RYR3: variants seen among roughly 807,000 people sequenced by gnomAD.
RYR3 encodes the protein brain ryanodine receptor-calcium release channel.
Under a neutral mutation model 584.3 loss-of-function variants are expected in RYR3, and 207 were observed. The ratio of observed to expected loss-of-function variants is 0.35; its 90% confidence interval spans 0.32 to 0.40. The LOEUF (loss-of-function observed/expected upper bound fraction) is 0.40. RYR3 is among the 10% of genes least tolerant of loss of function. The pLI is 1.00. For missense variants in RYR3, 5,616 were observed against 6,089.2 expected, an observed-to-expected ratio of 0.92 and a Z score of 2.59; for synonymous variants, 2,416 against 2,248.5, an observed-to-expected ratio of 1.07 and a Z score of -2.11.
At chr15:33,713,317 T>C (rs1341440677) in intron 43 of RYR3, among the ~76,000 whole-genome samples, 1 of 151,868 alleles carries the variant, frequency 6.6e-6, no homozygotes, top group African/African-American at 2.4e-5. Flanking sequence ...ATGCTAGTGA[T>C]AGTGGAATAT....
intron 1 of RYR3, among the ~76,000 whole-genome samples, chr15:33,323,813 C>T (rs1969333585): frequency 6.6e-6 from 1 of 152,252 alleles, no homozygotes; most frequent in South Asian, 2.1e-4. Context: ...TTGCTCTGGT[C>T]TCTGGCTGTG....
chr15:33,773,319 G>A (rs2073745401), intron 63 of RYR3, among the ~76,000 whole-genome samples: 1 of 152,160 alleles, frequency 6.6e-6, no homozygotes, highest in African/African-American at 2.4e-5. Flanking sequence ...AAAGGAACTG[G>A]GATTGCTCAG....
chr15:33,649,609 G>C (rs1566872129), intron 31 of RYR3, among the ~76,000 whole-genome samples: 1 of 152,180 alleles, frequency 6.6e-6, no homozygotes, highest in East Asian at 1.9e-4. Context: ...GAAATAAAAA[G>C]ATATACCACA....
At chr15:33,543,505 G>C (rs377297870) in intron 7 of RYR3, 117 bp from the exon 8 acceptor site, 1 of 723,652 alleles carries the variant, frequency 1.4e-6, no homozygotes, top group East Asian at 2.5e-5. Context: ...ATCAAAATGT[G>C]TCTCTCTCAG....
chr15:33,737,091 C>G (rs980408806), intron 49 of RYR3, among the ~76,000 whole-genome samples: 5 of 152,046 alleles, frequency 3.3e-5, no homozygotes, highest in African/African-American at 1.2e-4. Context: ...ACAGACCCCT[C>G]TCTTTTATTA....
At chr15:33,576,123 C>T (rs533678677) in intron 12 of RYR3, among the ~76,000 whole-genome samples, 2 of 152,202 alleles carry the variant, frequency 1.3e-5, no homozygotes, top group South Asian at 4.1e-4. Flanking sequence ...AATAAATAGC[C>T]TACCAACCAG....
intron 43 of RYR3, among the ~76,000 whole-genome samples, chr15:33,718,395 G>A (rs1223898797): frequency 2.6e-5 from 4 of 152,196 alleles, no homozygotes; most frequent in African/African-American, 9.7e-5. Flanking sequence ...TATGCCAGAT[G>A]TTAGCAAGAC....
intron 65 of RYR3, among the ~76,000 whole-genome samples, chr15:33,783,292 A>G (rs2074492294): frequency 6.6e-6 from 1 of 152,158 alleles, no homozygotes; most frequent in African/African-American, 2.4e-5. Context: ...CACTTTGAGA[A>G]TTATTGATCT....
chr15:33,575,696 C>G (rs752426128), intron 12 of RYR3, among the ~76,000 whole-genome samples: 7 of 152,034 alleles, frequency 4.6e-5, no homozygotes, highest in African/African-American at 1.7e-4. Flanking sequence ...AACATCACAA[C>G]TAAAAGAACT....
intron 29 of RYR3, among the ~76,000 whole-genome samples, chr15:33,646,755 T>C (rs1463545720): frequency 1.3e-5 from 2 of 152,264 alleles, no homozygotes; most frequent in Non-Finnish European, 2.9e-5. Context: ...CAGACACATC[T>C]GGTGGAAAAG....
In RYR3 at chr15:33,838,650, A is replaced by G. The variant is rs1250242687; in HGVS notation, c.12670A>G (p.Lys4224Glu). 1.2e-6 allele frequency: 2 copies of G among 1,613,802 alleles called. No individual in the cohort carries two copies. Among genetic ancestry groups the G allele is most frequent in the Non-Finnish European group, 1.7e-6 (2 of 1,179,878 alleles). Residue 4224 changes from lysine to glutamate, a missense_variant, in exon 89 of 104, where the codon AAG (lysine) becomes GAG (glutamate). Lys to Glu is a moderately conservative substitution (Grantham distance 56). Transcript: ENST00000634891. ...VFGGGLVEGA[K>E]NIRVTKILGD... is the part of the protein sequence containing the mutation. ...TGGAGGGGGCCTGGTAGAAGGGGCA[A>G]AGAACATCAGAGTGACCAAGATCCT...
At chr15:33,319,512 T>C (rs1008819350) in intron 1 of RYR3, among the ~76,000 whole-genome samples, 15 of 152,226 alleles carry the variant, frequency 9.9e-5, no homozygotes, top group African/African-American at 3.6e-4. Flanking sequence ...TAAACTATAG[T>C]GAGGTCTTGA....
At chr15:33,575,895 CAAAT>C (rs1010319099) in intron 12 of RYR3, among the ~76,000 whole-genome samples, 2 of 151,026 alleles carry the variant, frequency 1.3e-5, no homozygotes, top group African/African-American at 4.9e-5. Context: ...AGAGAAGAAT[CAAAT>C]AGACACAATA....
chr15:33,758,543 G>A (rs1264071500), intron 60 of RYR3, among the ~76,000 whole-genome samples: 1 of 152,210 alleles, frequency 6.6e-6, no homozygotes, highest in Non-Finnish European at 1.5e-5. Flanking sequence ...CGAACTGGGT[G>A]TGGAACGCAC....
rs1319242414 is a variant in RYR3, at chr15:33,662,150, C to T, written c.4623-3C>T. The T allele has an allele frequency of 1.9e-6, 3 of 1,582,972 alleles. No homozygotes were observed. Among genetic ancestry groups the T allele is most frequent in the Admixed American group, 1.7e-5 (1 of 57,490 alleles). ...TGTGGCTGATTGCTCGTCCTGTCCT[C>T]AGGTGTGTGGATATCCTGGAGCTCT... On this transcript the variant is annotated splice_polypyrimidine_tract_variant and splice_region_variant and intron_variant, in intron 34 of 103. Transcript: ENST00000634891.
chr15:33,848,704 G>C (rs147205840), intron 94 of RYR3, among the ~76,000 whole-genome samples: 2 of 151,990 alleles, frequency 1.3e-5, no homozygotes, highest in African/African-American at 4.8e-5. Flanking sequence ...TTCCATGTTC[G>C]AGTCACACAG....
chr15:33,334,537 T>A (rs1021694564), intron 1 of RYR3, among the ~76,000 whole-genome samples: 15 of 152,140 alleles, frequency 9.9e-5, no homozygotes, highest in African/African-American at 3.6e-4. Flanking sequence ...TAACTCAAGA[T>A]GGATTAAATA....
rs2060846981 is a variant in RYR3, at chr15:33,623,804, C to T, written c.2358-3C>T. The T allele has an allele frequency of 1.3e-6, 2 of 1,598,936 alleles. No homozygotes were observed. Among genetic ancestry groups the T allele is most frequent in the Non-Finnish European group, 1.7e-6 (2 of 1,166,432 alleles). On this transcript the variant is annotated splice_region_variant and splice_polypyrimidine_tract_variant and intron_variant, in intron 19 of 103. Transcript: ENST00000634891. ...CTGTATTTCTGCTATCTTCAAATGA[C>T]AGAGTACGTTTCCTGATGGGTGGAC...
chr15:33,463,138 TG>T (rs1305733563), intron 1 of RYR3, among the ~76,000 whole-genome samples: 1 of 151,902 alleles, frequency 6.6e-6, no homozygotes, highest in Non-Finnish European at 1.5e-5. Context: ...CACTCCAGCC[TG>T]GGTGACAGAG....
Sources: allele counts gnomAD v4.1 joint callset (sites outside exome capture counted in the v4.1 genomes callset), GRCh38; gene constraint gnomAD v4.1.1; transcripts MANE v1.5; gene names NCBI Gene and HGNC (gene_info 2026-07-23, HGNC 2026-07-21).